The following MYO1E variants were observed in gnomAD, a reference collection of about 807,000 sequenced individuals.
MYO1E encodes myosin IE, also known as unconventional myosin-Ie.
In MYO1E, 68 loss-of-function variants were observed where a neutral mutation model predicts 151.1. That is an observed-to-expected ratio of 0.45 (90% confidence interval 0.37 to 0.55). The LOEUF is 0.55. MYO1E is among the 20% of genes least tolerant of loss of function. The probability of loss-of-function intolerance (pLI) is 0.00; values close to 1 mark genes in which losing one functional copy is unlikely to be tolerated. For missense variants in MYO1E, 1,363 were observed against 1,389.3 expected (o/e 0.98, Z 0.30); for synonymous variants, 601 against 501.7 (o/e 1.20, Z -2.64).
chr15:59,354,256 A>G (rs1244228618), intron 1 of MYO1E, among the ~76,000 whole-genome samples: 2 of 152,238 alleles, frequency 1.3e-5, no homozygotes, highest in Non-Finnish European at 2.9e-5. Context: ...CCTTTGGAGG[A>G]GAGCAATACC....
chr15:59,138,447 C>G, intron 26 of MYO1E, 80 bp from the exon 27 acceptor site: 1 of 1,474,844 alleles, frequency 6.8e-7, no homozygotes, highest in African/African-American at 1.4e-5. Flanking sequence ...GCATGGCGGC[C>G]GGCACTGGCC....
chr15:59,150,726 A>C (rs1028156904), intron 26 of MYO1E, among the ~76,000 whole-genome samples: 5 of 152,160 alleles, frequency 3.3e-5, no homozygotes, highest in Non-Finnish European at 7.3e-5. Flanking sequence ...TTTATCAATC[A>C]GACTACAGGT....
chr15:59,285,193 G>A (rs555110361), intron 1 of MYO1E, among the ~76,000 whole-genome samples: 1 of 152,206 alleles, frequency 6.6e-6, no homozygotes, highest in Non-Finnish European at 1.5e-5. Context: ...TGTGCCTTGG[G>A]CAAGGCCAGT....
chr15:59,270,461 T>G lies in MYO1E; in HGVS notation c.147+1845A>C, dbSNP rs539282406. 2.9e-3 allele frequency among the ~76,000 whole-genome samples: 437 copies of G among 149,054 alleles called. 6 individuals carry two copies. Among genetic ancestry groups the G allele is most frequent in the Non-Finnish European group, 3.1e-3 (210 of 67,578 alleles). ...GGGAGGCTGAGGTGGGAAGATCACC[T>G]GAGCCGGGGAGGCGGAGGTTGCAGT... On this transcript the variant is annotated intron_variant, in intron 2 of 27. Coordinates refer to ENST00000288235, the MANE Select transcript of MYO1E (RefSeq NM_004998.4).
chr15:59,177,264 T>C (rs1427111938), intron 19 of MYO1E, among the ~76,000 whole-genome samples: 4 of 123,982 alleles, frequency 3.2e-5, no homozygotes, highest in African/African-American at 1.1e-4. Context: ...CATAAATGGG[T>C]TCCATCTCTG....
chr15:59,139,815 A>C (rs377203409), intron 26 of MYO1E, among the ~76,000 whole-genome samples: 16 of 147,174 alleles, frequency 1.1e-4, no homozygotes, highest in Admixed American at 8.1e-4. Flanking sequence ...TACTCTGCAG[A>C]CTTCCCTCAT....
chr15:59,256,020 G>A (rs2080192021), intron 4 of MYO1E, among the ~76,000 whole-genome samples: 1 of 152,114 alleles, frequency 6.6e-6, no homozygotes, highest in African/African-American at 2.4e-5. Context: ...CTACAGAAAA[G>A]GAATTCATCT....
intron 18 of MYO1E, among the ~76,000 whole-genome samples, chr15:59,184,331 G>C (rs1241015034): frequency 6.6e-6 from 1 of 151,634 alleles, no homozygotes; most frequent in Non-Finnish European, 1.5e-5. Context: ...TTTTATGCCT[G>C]AATAGTACTC....
rs1418558323 is a variant in MYO1E at position 59,159,495 on chromosome 15, T to TG, written c.2786-1117dup. On this transcript the variant is annotated intron_variant, in intron 24 of 27. Transcript: ENST00000288235. This position sits in a 1 kb window ranked among gnomAD's most constrained non-coding sequence, Gnocchi z 4.4. ...GGAGACTGGAGTGTCAGGAGGGAGG[T>TG]GGGGGACTTCATGTGCCTCCTTCCT... Among the ~76,000 whole-genome samples the TG allele has an allele frequency of 6.6e-6, 1 of 151,900 alleles. No homozygotes were observed. The highest frequency in any genetic ancestry group is 1.5e-5 in the Non-Finnish European group (1 of 67,970).
intron 1 of MYO1E, among the ~76,000 whole-genome samples, chr15:59,309,076 T>C (rs1382040869): frequency 1.3e-5 from 2 of 151,810 alleles, no homozygotes; most frequent in African/African-American, 4.8e-5. Flanking sequence ...ATCACACCAC[T>C]GCACTCCAGC....
intron 25 of MYO1E, among the ~76,000 whole-genome samples, chr15:59,157,441 T>C (rs945609635): frequency 1.3e-5 from 2 of 152,196 alleles, no homozygotes; most frequent in Non-Finnish European, 2.9e-5. Flanking sequence ...ACTGTTTCAG[T>C]TACCCATGGT....
chr15:59,188,277 A>C, intron 17 of MYO1E, 61 bp from the exon 18 acceptor site: 1 of 1,358,410 alleles, frequency 7.4e-7, no homozygotes, highest in Non-Finnish European at 1.1e-6. Context: ...TCGTGTTCTT[A>C]CCAGCCAACC....
rs1471422534 is a variant in MYO1E at position 59,178,501 on chromosome 15, C to A, written c.1941G>T (p.Trp647Cys). ...AILTKATWPS[W>C]QGEEKQGVLH... ...GGACGCCTTGCTTCTCCTCTCCCTG[C>A]CAAGAAGGCCAGGTGGCTTTGGTCA... Residue 647 changes from tryptophan to cysteine, a missense_variant, in exon 19 of 28, where the codon TGG becomes TGT. By Grantham distance (215) the Trp-to-Cys change is radical (BLOSUM62 -2). Transcript: ENST00000288235. The A allele has an allele frequency of 1.5e-5, 24 of 1,614,060 alleles. No homozygotes were observed. The highest frequency in any genetic ancestry group is 2.7e-5 in the African/African-American group (2 of 74,912).
rs1454979278 is a variant in MYO1E, at chr15:59,136,696, C to A, written c.*684G>T. The A allele has an allele frequency of 2.2e-6, 1 of 456,466 alleles. No individual in the cohort carries two copies. The highest frequency in any genetic ancestry group is 4.4e-6 in the Non-Finnish European group (1 of 226,800). The allele number at this position is 456,466 out of a possible 1,614,324, so 28.3% of individuals were successfully genotyped here. A position where few individuals can be genotyped will look rare whatever the true frequency, so the allele number is the denominator to read the frequency against. On this transcript the variant is annotated 3_prime_UTR_variant, in exon 28 of 28. Transcript: ENST00000288235. ...AGTAAGTACAGCATTTAAACACAAA[C>A]CAATATGGGCCAGCCACATTCTAAT...
intron 1 of MYO1E, among the ~76,000 whole-genome samples, chr15:59,273,998 T>C (rs561696575): frequency 1.3e-5 from 2 of 151,900 alleles, no homozygotes; most frequent in South Asian, 4.2e-4. Context: ...GAGGAGAAGA[T>C]GACAAGAAAC....
Position 59,178,522 on chromosome 15 carries a change from G to A in MYO1E, c.1920C>T (p.Thr640=). 4 of 1,614,180 alleles carry A rather than the reference G, an allele frequency of 2.5e-6. No homozygotes were observed. Among genetic ancestry groups the A allele is most frequent in the Non-Finnish European group, 3.4e-6 (4 of 1,180,014 alleles). The stretch of plus-strand genomic sequence containing the variant: ...CCTGCCAAGAAGGCCAGGTGGCTTT[G>A]GTCAGAATGGCATACCTGTGGGGAC... ...QKFLQRYAIL[T]KATWPSWQGE... Residue 640 remains threonine (T), a synonymous_variant, in exon 19 of 28, where the codon ACC becomes ACT. Coordinates refer to ENST00000288235, the MANE Select transcript of MYO1E (RefSeq NM_004998.4).
chr15:59,141,897 G>A (rs1410030084), intron 26 of MYO1E, among the ~76,000 whole-genome samples: 1 of 151,522 alleles, frequency 6.6e-6, no homozygotes, highest in African/African-American at 2.4e-5. Flanking sequence ...CATGAGGTCA[G>A]GAGATAGAGA....
intron 4 of MYO1E, among the ~76,000 whole-genome samples, chr15:59,247,264 A>C (rs2080135977): frequency 6.6e-6 from 1 of 152,240 alleles, no homozygotes; most frequent in African/African-American, 2.4e-5. Flanking sequence ...TAGGAGCTCA[A>C]GTCCAGGGGT....
chr15:59,355,152 C>G (rs561212105), intron 1 of MYO1E, among the ~76,000 whole-genome samples: 35 of 152,208 alleles, frequency 2.3e-4, no homozygotes, highest in Middle Eastern at 3.4e-3. Context: ...CCAATTCTAC[C>G]CCATGCCAGA....
Sources: allele counts gnomAD v4.1 joint callset (sites outside exome capture counted in the v4.1 genomes callset), GRCh38; gene constraint gnomAD v4.1.1; non-coding constraint Gnocchi (gnomAD v3.1); transcripts MANE v1.5; gene names NCBI Gene and HGNC (gene_info 2026-07-23, HGNC 2026-07-21).